ZMYND8: variants seen among roughly 807,000 people sequenced by gnomAD.
ZMYND8 encodes MYND-type zinc finger-containing chromatin reader ZMYND8.
A neutral mutation model predicts 140.8 loss-of-function variants in ZMYND8; 37 were observed. The ratio of observed to expected loss-of-function variants is 0.26; its 90% CI spans 0.20 to 0.35. ZMYND8 has a LOEUF of 0.35. Among genes scored for constraint, ZMYND8 ranks in the 10% least tolerant of loss-of-function variants. The probability of loss-of-function intolerance (pLI) is 1.00; values close to 1 mark genes in which losing one functional copy is unlikely to be tolerated. For missense variants in ZMYND8, 1,068 were observed against 1,570.0 expected (o/e 0.68, Z 5.40); for synonymous variants, 592 against 597.1 (o/e 0.99, Z 0.12).
intron 3 of ZMYND8, 145 bp downstream of exon 3, chr20:47,309,910 CT>C (rs35569832): frequency 7.8e-6 from 9 of 1,148,026 alleles, no homozygotes; most frequent in African/African-American, 1.6e-5. Context: ...TTTTAGCCAT[CT>C]TTTTTTGTCC....
chr20:47,225,794 T>C (rs867404528), intron 18 of ZMYND8, among the ~76,000 whole-genome samples: 7 of 151,780 alleles, frequency 4.6e-5, no homozygotes, highest in Non-Finnish European at 7.4e-5. Flanking sequence ...TTTTCAAATG[T>C]GCAGTCAACA....
At chr20:47,301,202 T>A (rs1371301842) in intron 3 of ZMYND8, among the ~76,000 whole-genome samples, 1 of 150,484 alleles carries the variant, frequency 6.6e-6, no homozygotes, top group Non-Finnish European at 1.5e-5. Context: ...TTGCCCAGGA[T>A]AGAGTGCAAT....
At chr20:47,222,513 G>C (rs541728458) in intron 19 of ZMYND8, among the ~76,000 whole-genome samples, 1 of 152,064 alleles carries the variant, frequency 6.6e-6, no homozygotes, top group Non-Finnish European at 1.5e-5. Flanking sequence ...TCCAGCCTGG[G>C]AGAAAGAGCG....
chr20:47,266,715 A>G lies in ZMYND8; in HGVS notation c.1481-4287T>C, dbSNP rs114694735. Among the ~76,000 whole-genome samples, 984 of 152,268 alleles carry G rather than the reference A, an allele frequency of 6.5e-3. 14 individuals are homozygous for G. The highest frequency in any genetic ancestry group is 0.021 in the African/African-American group (878 of 41,554). ...ACCTCCCCTACTATCACCCTAGTCC[A>G]TGCATCTCAACAGGGACCATATGGC... On this transcript the variant is annotated intron_variant, in intron 11 of 22. Transcript: ENST00000471951.
chr20:47,315,486 T>G (rs566788961), intron 2 of ZMYND8, among the ~76,000 whole-genome samples: 8 of 151,984 alleles, frequency 5.3e-5, no homozygotes, highest in African/African-American at 1.9e-4. Context: ...CTGGATTCGG[T>G]ATCCTTCGGA....
intron 3 of ZMYND8, among the ~76,000 whole-genome samples, chr20:47,305,802 C>A (rs1447306843): frequency 1.3e-5 from 2 of 152,116 alleles, no homozygotes; most frequent in African/African-American, 2.4e-5. Flanking sequence ...GGGAAAAAAA[C>A]CAAAACACCT....
At chr20:47,230,554 A>G (rs2038335500) in intron 16 of ZMYND8, among the ~76,000 whole-genome samples, 2 of 152,098 alleles carry the variant, frequency 1.3e-5, no homozygotes, top group Admixed American at 6.5e-5. Context: ...TCGGCCTCCC[A>G]AAGTGCTGAA....
chr20:47,222,434 G>T (rs1244811995), intron 19 of ZMYND8, among the ~76,000 whole-genome samples: 1 of 152,210 alleles, frequency 6.6e-6, no homozygotes, highest in East Asian at 1.9e-4. Flanking sequence ...TACTAGGGAG[G>T]CTGAGGAAGG....
chr20:47,212,407 G>A (rs910187), intron 22 of ZMYND8, among the ~76,000 whole-genome samples: 39,348 of 152,122 alleles, frequency 0.26, 6,503 homozygotes, highest in Non-Finnish European at 0.37. Context: ...TGAAAAGAGC[G>A]AGGACGATCT....
At position 47,294,672 on chromosome 20, in the gene ZMYND8, C is replaced by T. The variant is rs898963502; in HGVS notation, c.561G>A (p.Gln187=). ...AGAGGAACTTTCTTCTTACCCCTGG[C>T]TGTTTCATTTTCTGAATGGCAAACT... is the stretch of plus-strand genomic sequence containing the variant. ...LLKFAIQKMK[Q]PGTDAFQKPV... is the part of the protein sequence containing the mutation. The change falls in exon 5 of 23, where the codon CAG becomes CAA. Residue 187 remains glutamine, a synonymous_variant. Transcript: ENST00000471951. 4 of 1,613,836 alleles carry T rather than the reference C, an allele frequency of 2.5e-6. No homozygotes were observed. Among genetic ancestry groups the T allele is most frequent in the Non-Finnish European group, 3.4e-6 (4 of 1,179,834 alleles).
intron 12 of ZMYND8, among the ~76,000 whole-genome samples, chr20:47,251,531 G>A (rs2074171104): frequency 6.6e-6 from 1 of 151,492 alleles, no homozygotes; most frequent in South Asian, 2.1e-4. Flanking sequence ...AGGCTGCAGT[G>A]AGCCATGATT....
intron 12 of ZMYND8, among the ~76,000 whole-genome samples, chr20:47,253,787 G>C (rs540299205): frequency 2.6e-5 from 4 of 152,212 alleles, no homozygotes; most frequent in African/African-American, 9.6e-5. Flanking sequence ...TATGGCTACA[G>C]TAAATGCGAC....
Position 47,236,311 on chromosome 20 carries a change from C to G in ZMYND8, c.2856+15G>C, listed in dbSNP as rs768508787. The G allele has an allele frequency of 6.2e-7, 1 of 1,614,146 alleles. No homozygotes were observed. Among genetic ancestry groups the G allele is most frequent in the South Asian group, 1.1e-5 (1 of 91,066 alleles). The stretch of plus-strand genomic sequence containing the variant: ...GGTGTCTGCCATCTCCACGGTAGCT[C>G]TCCCATCCACTCACTTTGCTAGTGT... On this transcript the variant is annotated intron_variant, in intron 16 of 22. Transcript: ENST00000471951.
intron 3 of ZMYND8, among the ~76,000 whole-genome samples, chr20:47,301,155 CT>C (rs74178720): frequency 0.27 from 36,105 of 133,150 alleles, 3,740 homozygotes; most frequent in African/African-American, 0.29. Flanking sequence ...TTGCATAATT[CT>C]TTTTTTTTTT....
rs1013703233 is a variant in ZMYND8, at chr20:47,210,524, A to G, written c.*237T>C. ...CCTCTAGATTCAATGACATCCACAA[A>G]TTGTACATTATTTACACCAAAAGCA... On this transcript the variant is annotated 3_prime_UTR_variant, in exon 23 of 23. Transcript: ENST00000471951. 1.5e-4 allele frequency: 74 copies of G among 489,744 alleles called. No homozygotes were observed. Among genetic ancestry groups the G allele is most frequent in the Middle Eastern group, 5.4e-4 (1 of 1,852 alleles). 30.3% of individuals were successfully genotyped at this position (489,744 alleles called of 1,614,324 possible).
chr20:47,268,252 T>A (rs140463286), intron 11 of ZMYND8, among the ~76,000 whole-genome samples: 1,654 of 149,926 alleles, frequency 0.011, 29 homozygotes, highest in African/African-American at 0.039. Flanking sequence ...AGGTCAGGAG[T>A]TTGAGACCAG....
intron 1 of ZMYND8, among the ~76,000 whole-genome samples, chr20:47,352,315 C>T (rs1469593690): frequency 6.6e-6 from 1 of 152,146 alleles, no homozygotes; most frequent in Non-Finnish European, 1.5e-5. Context: ...CAGTCTACGG[C>T]AAAGGTAAAA....
At chr20:47,307,492 C>T (rs913741886) in intron 3 of ZMYND8, among the ~76,000 whole-genome samples, 3 of 151,900 alleles carry the variant, frequency 2.0e-5, no homozygotes, top group Admixed American at 6.6e-5. Context: ...AAAGGGACAC[C>T]GGAAAGCCCA....
In ZMYND8 at chr20:47,214,503, CTT is replaced by C. The variant is rs1295370983; in HGVS notation, c.3485-1780_3485-1779del. Among the ~76,000 whole-genome samples the C allele has an allele frequency of 2.6e-5, 4 of 152,140 alleles. 1 individual carries two copies. In the South Asian group the frequency reaches 6.2e-4, roughly 24 times the overall value. ...AAGTCCTAAATGTCGGACTAAATCT[CTT>C]GTTTTTGAGACACAGTCTCACTCTG... On this transcript the variant is annotated intron_variant, in intron 21 of 22. Coordinates refer to ENST00000471951, the MANE Select transcript of ZMYND8 (RefSeq NM_001281775.3).
Sources: gnomAD v4.1 joint callset for allele counts (sites outside exome capture counted in the v4.1 genomes callset) on GRCh38, gnomAD v4.1.1 for gene constraint, MANE v1.5 for transcripts, NCBI Gene and HGNC (gene_info 2026-07-23, HGNC 2026-07-21) for gene names.